The following EML4 variants were observed in gnomAD, a reference collection of about 807,000 sequenced individuals.
The protein encoded by EML4 is EMAP like 4.
A neutral mutation model predicts 129.0 loss-of-function variants in EML4; 72 were observed. That is an observed-to-expected ratio of 0.56 (90% confidence interval 0.46 to 0.68). The LOEUF (loss-of-function observed/expected upper bound fraction) is 0.68. Ranked by LOEUF, EML4 falls within the 30% of genes least tolerant of loss-of-function variation. The pLI is 0.00. For missense variants in EML4, 1,363 were observed against 1,190.6 expected (o/e 1.14, Z -2.13); for synonymous variants, 532 against 405.0 (o/e 1.31, Z -3.77).
chr2:42,250,576 T>C (rs1041296684), intron 2 of EML4, among the ~76,000 whole-genome samples: 2 of 152,138 alleles, frequency 1.3e-5, no homozygotes, highest in Non-Finnish European at 2.9e-5. Flanking sequence ...AAATGCATCA[T>C]TGGGCATTTT....
intron 19 of EML4, among the ~76,000 whole-genome samples, chr2:42,320,683 T>TA (rs1669470639): frequency 6.6e-6 from 1 of 152,208 alleles, no homozygotes; most frequent in Non-Finnish European, 1.5e-5. Context: ...TGAAAGATTT[T>TA]AAGTGTCCTG....
rs751577483 is a variant in EML4 at position 42,329,024 on chromosome 2, C to G, written c.2472+8C>G. 1 of 1,608,786 alleles carries G rather than the reference C, an allele frequency of 6.2e-7. No individual in the cohort carries two copies. Among genetic ancestry groups the G allele is most frequent in the Non-Finnish European group, 8.5e-7 (1 of 1,178,264 alleles). Reference sequence around the variant, plus strand: ...CCCTGCTCCAAAGCAAAGGTAAACTCACTTTAATAGAAACTAATGTTATAA... The same window carrying G: ...CCCTGCTCCAAAGCAAAGGTAAACTGACTTTAATAGAAACTAATGTTATAA... On this transcript the variant is annotated splice_region_variant and intron_variant, in intron 22 of 22. Transcript: ENST00000318522.
chr2:42,209,595 C>A (rs1672763194), intron 1 of EML4, among the ~76,000 whole-genome samples: 1 of 152,094 alleles, frequency 6.6e-6, no homozygotes, highest in Admixed American at 6.6e-5. Flanking sequence ...AAAACTATTA[C>A]TATTTTACTT....
Position 42,245,094 on chromosome 2 carries a change from C to CTTTTTTTTTTTTTTTTTTTTTTTT in EML4, c.26-393_26-392insTTTTTTTTTTTTTTTTTTTTTTTT, listed in dbSNP as rs56808218. Among the ~76,000 whole-genome samples, 296 of 66,548 alleles carry CTTTTTTTTTTTTTTTTTTTTTTTT rather than the reference C, an allele frequency of 4.4e-3. 65 individuals are homozygous for CTTTTTTTTTTTTTTTTTTTTTTTT. The highest frequency in any genetic ancestry group is 6.3e-3 in the South Asian group (7 of 1,110). 43.7% of individuals were successfully genotyped at this position (66,548 alleles called of 152,430 possible). ...AGTTTTTTGTTTTGAAATTTTCTTT[C>CTTTTTTTTTTTTTTTTTTTTTTTT]TTTTTTTTTTTTTTTTTTGAGACAG... On this transcript the variant is annotated intron_variant, in intron 1 of 22. Transcript: ENST00000318522.
At chr2:42,303,911 C>T (rs185180749) in intron 16 of EML4, among the ~76,000 whole-genome samples, 20 of 152,284 alleles carry the variant, frequency 1.3e-4, no homozygotes, top group African/African-American at 4.6e-4. Context: ...GGCAACAGAG[C>T]GAGACTCCGT....
rs1553360921 is a variant in EML4 at position 42,192,243 on chromosome 2, T to TTG, written c.25+22607_25+22608insTG. 8.5e-4 allele frequency among the ~76,000 whole-genome samples: 124 copies of TTG among 145,130 alleles called. 2 individuals carry two copies. The highest frequency in any genetic ancestry group is 2.8e-3 in the African/African-American group (105 of 37,246). ...TTTGTTGTTTTTTTGTTTTTTTTTTTGGGGGGGGGAGGTGTAGTCTTGCTC... is the reference window on the plus strand; with the variant it reads ...TTTGTTGTTTTTTTGTTTTTTTTTTTTGGGGGGGGGGAGGTGTAGTCTTGCTC... On this transcript the variant is annotated intron_variant, in intron 1 of 22. Coordinates refer to ENST00000318522, the MANE Select transcript of EML4 (RefSeq NM_019063.5).
chr2:42,330,492 TG>T lies in EML4; in HGVS notation c.*287del. The T allele has an allele frequency of 2.0e-6, 1 of 510,204 alleles. No homozygotes were observed. Among genetic ancestry groups the T allele is most frequent in the Admixed American group, 3.2e-5 (1 of 31,234 alleles). The allele number at this position is 510,204 out of a possible 1,614,324, so 31.6% of individuals were successfully genotyped here. On this transcript the variant is annotated 3_prime_UTR_variant, in exon 23 of 23. Transcript: ENST00000318522. Reference sequence around the variant, plus strand: ...TACCTAAGTGGTGTGATGTAAATACTGGAAACAAAAACAGCAGTTGCATTGA... The same window carrying T: ...TACCTAAGTGGTGTGATGTAAATACTGAAACAAAAACAGCAGTTGCATTGA...
At position 42,261,277 on chromosome 2, in the gene EML4, T is replaced by C; in HGVS notation, c.495T>C (p.Asn165=). ...QIHRQTPESK[N]ATPTKSIKRP... is the part of the protein sequence containing the mutation. ...ACAGACAAACTCCAGAAAGCAAGAA[T>C]GCTACTCCCACCAAAAGGTTTTAAC... is the stretch of plus-strand genomic sequence containing the variant. Residue 165 remains asparagine, a synonymous_variant, in exon 4 of 23, where the codon AAT becomes AAC. Transcript: ENST00000318522. 1 of 1,613,252 alleles carries C rather than the reference T, an allele frequency of 6.2e-7. No individual in the cohort carries two copies. Among genetic ancestry groups the C allele is most frequent in the Admixed American group, 1.7e-5 (1 of 59,904 alleles).
intron 2 of EML4, among the ~76,000 whole-genome samples, chr2:42,247,237 A>G (rs1040373100): frequency 1.3e-5 from 2 of 152,212 alleles, no homozygotes; most frequent in African/African-American, 4.8e-5. Flanking sequence ...CACAACTTCT[A>G]GCCCTGATAA....
intron 1 of EML4, among the ~76,000 whole-genome samples, chr2:42,193,951 C>T (rs1051180000): frequency 2.0e-5 from 3 of 152,176 alleles, no homozygotes; most frequent in Non-Finnish European, 4.4e-5. Context: ...TCCCAGAGTG[C>T]TGGGATTACA....
At chr2:42,254,228 G>A (rs1356074243) in intron 2 of EML4, among the ~76,000 whole-genome samples, 1 of 152,168 alleles carries the variant, frequency 6.6e-6, no homozygotes, top group Non-Finnish European at 1.5e-5. Flanking sequence ...GCAGAGGCAG[G>A]TGGATTGCTT....
intron 1 of EML4, among the ~76,000 whole-genome samples, chr2:42,173,793 A>G (rs778222954): frequency 2.9e-4 from 44 of 152,302 alleles, no homozygotes; most frequent in Admixed American, 5.9e-4. Context: ...GCAGTGAGCT[A>G]TGATTGTACC....
chr2:42,297,504 G>T (rs780940622), intron 13 of EML4, among the ~76,000 whole-genome samples: 1 of 152,108 alleles, frequency 6.6e-6, no homozygotes, highest in Non-Finnish European at 1.5e-5. Context: ...TAAATTGCTG[G>T]GCACATGAAA....
chr2:42,284,539 G>C (rs1329886351), intron 8 of EML4, 95 bp from the exon 9 acceptor site: 2 of 703,904 alleles, frequency 2.8e-6, no homozygotes, highest in Admixed American at 2.9e-5. Flanking sequence ...GTTTTTTAAC[G>C]ATTAAAAACT....
chr2:42,171,194 A>G (rs928318968), intron 1 of EML4, among the ~76,000 whole-genome samples: 3 of 152,146 alleles, frequency 2.0e-5, no homozygotes, highest in Admixed American at 6.5e-5. Context: ...ATTCACAGTA[A>G]GTGTTGGACC....
intron 1 of EML4, among the ~76,000 whole-genome samples, chr2:42,207,485 T>G (rs938838825): frequency 6.6e-6 from 1 of 152,212 alleles, no homozygotes; most frequent in Non-Finnish European, 1.5e-5. Flanking sequence ...GGATGAGTTG[T>G]CAGTTTCTTG....
rs1676170981 is a variant in EML4, at chr2:42,256,641, A to G, written c.338+11A>G. ...ATCTGCTGCTAAAAGGTACCCATTT[A>G]TGAAAGGGGGAAAAACTAACATTGC... On this transcript the variant is annotated intron_variant, in intron 3 of 22. Transcript: ENST00000318522. 1.2e-6 allele frequency: 2 copies of G among 1,612,924 alleles called. No individual in the cohort carries two copies. Among genetic ancestry groups the G allele is most frequent in the Non-Finnish European group, 1.7e-6 (2 of 1,179,526 alleles).
chr2:42,327,413 A>G (rs1053358692), intron 21 of EML4, among the ~76,000 whole-genome samples: 3 of 152,236 alleles, frequency 2.0e-5, no homozygotes, highest in African/African-American at 4.8e-5. Flanking sequence ...CTTTTGAGCA[A>G]CTGCCAGACT....
chr2:42,204,525 C>A (rs1339587154), intron 1 of EML4, among the ~76,000 whole-genome samples: 1 of 152,198 alleles, frequency 6.6e-6, no homozygotes, highest in Non-Finnish European at 1.5e-5. Flanking sequence ...GGGCTATGTT[C>A]TAACAAAATT....
Sources: gnomAD v4.1 joint callset for allele counts (sites outside exome capture counted in the v4.1 genomes callset) on GRCh38, gnomAD v4.1.1 for gene constraint, MANE v1.5 for transcripts, NCBI Gene and HGNC (gene_info 2026-07-23, HGNC 2026-07-21) for gene names.